The following SHLD2 variants were observed in gnomAD, a reference collection of about 807,000 sequenced individuals.
The protein encoded by SHLD2 is RINN1-REV7-interacting novel NHEJ regulator 2.
In SHLD2, 30 loss-of-function variants were observed where a neutral mutation model predicts 73.2. The observed-to-expected ratio is 0.41, with a 90% CI of 0.31 to 0.56. The LOEUF (loss-of-function observed/expected upper bound fraction) is 0.56. Among genes scored for constraint, SHLD2 ranks in the 20% least tolerant of loss-of-function variants. The pLI is 0.28. For missense variants in SHLD2, 745 were observed against 1,055.9 expected, an observed-to-expected ratio of 0.71 and a Z score of 4.08; for synonymous variants, 285 against 370.1, an observed-to-expected ratio of 0.77 and a Z score of 2.64.
chr10:87,187,091 G>A lies in SHLD2; in HGVS notation c.2406G>A (p.Ala802=), dbSNP rs533541206. Residue 802 remains alanine (A), a synonymous_variant, in exon 9 of 10, where the codon GCG becomes GCA. Transcript: ENST00000298786. Reference sequence around the variant, plus strand: ...GTTGTTTACTCTTTTGTAGGCCAGCGTTAATGACTGCCATTGATGGAAGAC... The same window carrying A: ...GTTGTTTACTCTTTTGTAGGCCAGCATTAATGACTGCCATTGATGGAAGAC... ...FTMKKIYYRP[A]LMTAIDGRHD... is the part of the protein sequence containing the mutation. 1.6e-4 allele frequency: 250 copies of A among 1,607,370 alleles called. 5 individuals carry two copies. In the South Asian group the frequency reaches 2.4e-3, roughly 16 times the overall value.
chr10:87,142,774 A>G (rs972240574), intron 2 of SHLD2, among the ~76,000 whole-genome samples: 1 of 148,056 alleles, frequency 6.8e-6, no homozygotes, highest in Non-Finnish European at 1.5e-5. Flanking sequence ...TTTTTTTTTA[A>G]TTTTTCTTGA....
At position 87,148,563 on chromosome 10, in the gene SHLD2, GGGC is replaced by G. The variant is rs1484863393; in HGVS notation, c.-5-2784_-5-2782del. 9.8e-4 allele frequency among the ~76,000 whole-genome samples: 140 copies of G among 142,448 alleles called. 1 individual carries two copies. Among genetic ancestry groups the G allele is most frequent in the African/African-American group, 3.1e-3 (116 of 37,242 alleles). The allele number at this position is 142,448 out of a possible 152,430, so 93.5% of individuals were successfully genotyped here. A position where few individuals can be genotyped will look rare whatever the true frequency, so the allele number is the denominator to read the frequency against. Reference sequence around the variant, plus strand: ...AGAAACAACAAACAAGTTTGTGGGGGGGCGGGGGTTGGTTTTATTTTTAAAGAT... The same window carrying G: ...AGAAACAACAAACAAGTTTGTGGGGGGGGGGTTGGTTTTATTTTTAAAGAT... On this transcript the variant is annotated intron_variant, in intron 2 of 9. Coordinates refer to ENST00000298786, the MANE Select transcript of SHLD2 (RefSeq NM_001330112.2).
At chr10:87,136,961 G>T (rs1844842027) in intron 2 of SHLD2, among the ~76,000 whole-genome samples, 1 of 152,146 alleles carries the variant, frequency 6.6e-6, no homozygotes, top group Non-Finnish European at 1.5e-5. Context: ...TTACATATTG[G>T]ATTGACTCAG....
rs550978743 is a variant in SHLD2 at position 87,167,977 on chromosome 10, G to A, written c.1634-2501G>A. Among the ~76,000 whole-genome samples the A allele has an allele frequency of 1.3e-3, 192 of 152,240 alleles. 1 individual carries two copies. Among genetic ancestry groups the A allele is most frequent in the Non-Finnish European group, 2.0e-3 (137 of 68,026 alleles). On this transcript the variant is annotated intron_variant, in intron 4 of 9. Transcript: ENST00000298786. The stretch of plus-strand genomic sequence containing the variant: ...AACTATTATTAAAAAGTCAAAAAAC[G>A]ACAGATGTTGGTAGGCTGTGTAGAA...
chr10:87,139,330 C>CT (rs1443666992), intron 2 of SHLD2, among the ~76,000 whole-genome samples: 1 of 152,064 alleles, frequency 6.6e-6, no homozygotes, highest in African/African-American at 2.4e-5. Context: ...AAACTAAACT[C>CT]TTTTAAAGAA....
intron 2 of SHLD2, among the ~76,000 whole-genome samples, chr10:87,132,495 C>T (rs1453298121): frequency 1.3e-5 from 2 of 152,110 alleles, no homozygotes; most frequent in Admixed American, 6.5e-5. Context: ...TTATATTTTG[C>T]CAGGTGCAGT....
At chr10:87,131,482 C>A (rs1476939157) in intron 2 of SHLD2, among the ~76,000 whole-genome samples, 1 of 152,140 alleles carries the variant, frequency 6.6e-6, no homozygotes, top group African/African-American at 2.4e-5. Flanking sequence ...CCTTTTGTCA[C>A]ATGTTTTCAT....
rs200121030 is a variant in SHLD2 at position 87,126,789 on chromosome 10, AC to A, written c.-5-24560del. On this transcript the variant is annotated intron_variant, in intron 2 of 9. Coordinates refer to ENST00000298786, the MANE Select transcript of SHLD2 (RefSeq NM_001330112.2). ...AGTTGTCCTGCTAAGATAAAGGAAG[AC>A]ATTCTTTCAGTTGGAAATCATAATG... 1.1e-4 allele frequency among the ~76,000 whole-genome samples: 16 copies of A among 152,342 alleles called. 1 individual carries two copies. The East Asian group carries it at 3.1e-3, about 29-fold the overall frequency.
intron 2 of SHLD2, among the ~76,000 whole-genome samples, chr10:87,147,849 A>T (rs1381179269): frequency 6.6e-6 from 1 of 150,862 alleles, no homozygotes; most frequent in African/African-American, 2.4e-5. Context: ...CTTCCTTTTA[A>T]TCCTGTAGTA....
In SHLD2 at chr10:87,180,078, T is replaced by C; in HGVS notation, c.2174T>C (p.Val725Ala). The C allele has an allele frequency of 6.2e-7, 1 of 1,613,256 alleles. No individual in the cohort carries two copies. The highest frequency in any genetic ancestry group is 2.2e-5 in the East Asian group (1 of 44,846). ...TATATCTGTTTGTTGTTTGTAGGAG[T>C]GGTTCTGATTAAAGCCCAGATTTCA... Reference protein sequence around the residue: ...ATHLEDKCSGVVLIKAQISEL... With the variant: ...ATHLEDKCSGAVLIKAQISEL... The change falls in exon 8 of 10, where the codon GTG (valine) becomes GCG (alanine). Residue 725 changes from valine (V) to alanine (A), a missense_variant. This residue lies in a region of SHLD2 where 418 missense variants were observed against 567.8 expected (regional missense o/e 0.74). Transcript: ENST00000298786.
chr10:87,144,646 A>G (rs1452569551), intron 2 of SHLD2, among the ~76,000 whole-genome samples: 1 of 44,158 alleles, frequency 2.3e-5, no homozygotes, highest in Non-Finnish European at 3.9e-5. Context: ...TTTTTTTTTG[A>G]GATGGTGTCT....
At chr10:87,122,597 A>G (rs1843706204) in intron 2 of SHLD2, among the ~76,000 whole-genome samples, 1 of 152,006 alleles carries the variant, frequency 6.6e-6, no homozygotes, top group Admixed American at 6.6e-5. Flanking sequence ...AACACTATAT[A>G]AAATTGATTC....
At chr10:87,161,190 G>A (rs566268547) in intron 4 of SHLD2, among the ~76,000 whole-genome samples, 142 of 152,186 alleles carry the variant, frequency 9.3e-4, no homozygotes, top group African/African-American at 3.3e-3. Context: ...AGTGGTTTGC[G>A]TCTGTAATTC....
intron 2 of SHLD2, among the ~76,000 whole-genome samples, chr10:87,122,952 T>C (rs1314872433): frequency 1.3e-5 from 2 of 152,168 alleles, no homozygotes; most frequent in African/African-American, 4.8e-5. Flanking sequence ...TAATTTTTTA[T>C]ATTTTTAGTA....
At chr10:87,125,630 G>A (rs1843946988) in intron 2 of SHLD2, among the ~76,000 whole-genome samples, 1 of 152,194 alleles carries the variant, frequency 6.6e-6, no homozygotes, top group Non-Finnish European at 1.5e-5. Flanking sequence ...CCAGCTACTG[G>A]GGAGGCTGAG....
chr10:87,110,484 G>A (rs1589441244), intron 2 of SHLD2, among the ~76,000 whole-genome samples: 1 of 151,456 alleles, frequency 6.6e-6, no homozygotes, highest in African/African-American at 2.4e-5. Flanking sequence ...GCGGGTGTCT[G>A]TAATACCAGC....
At chr10:87,121,006 C>T (rs1287587732) in intron 2 of SHLD2, among the ~76,000 whole-genome samples, 5 of 151,986 alleles carry the variant, frequency 3.3e-5, no homozygotes, top group Admixed American at 1.3e-4. Context: ...GCCGACATTG[C>T]GCCATTGCAC....
chr10:87,121,604 A>T (rs1426452602), intron 2 of SHLD2, among the ~76,000 whole-genome samples: 3 of 151,964 alleles, frequency 2.0e-5, no homozygotes, highest in Admixed American at 6.6e-5. Context: ...TAATTTGATA[A>T]TTCATATAAT....
At chr10:87,125,459 G>C (rs577574701) in intron 2 of SHLD2, among the ~76,000 whole-genome samples, 11 of 152,350 alleles carry the variant, frequency 7.2e-5, no homozygotes, top group African/African-American at 1.9e-4. Context: ...TAATTGGCTG[G>C]GTGTGGTGGC....
Sources: gnomAD v4.1 joint callset for allele counts (sites outside exome capture counted in the v4.1 genomes callset) on GRCh38, gnomAD v4.1.1 for gene constraint, gnomAD v4.1.1 regional missense constraint, MANE v1.5 for transcripts, NCBI Gene and HGNC (gene_info 2026-07-23, HGNC 2026-07-21) for gene names.